Variants in SLC44A5 observed in about 807,000 individuals in gnomAD.
SLC44A5 encodes choline transporter-like protein 5.
A neutral mutation model predicts 101.8 loss-of-function variants in SLC44A5; 57 were observed. The ratio of observed to expected loss-of-function variants is 0.56; its 90% CI spans 0.45 to 0.70. The LOEUF is 0.70. Among genes scored for constraint, SLC44A5 ranks in the 30% least tolerant of loss-of-function variants. SLC44A5 has a pLI of 0.00. For missense variants in SLC44A5, 737 were observed against 853.1 expected, an observed-to-expected ratio of 0.86 and a Z score of 1.70; for synonymous variants, 281 against 290.9, an observed-to-expected ratio of 0.97 and a Z score of 0.35.
chr1:75,306,733 C>CTTTTTTTTTTTTTTTTTTTTTTT (rs771955227), intron 4 of SLC44A5, among the ~76,000 whole-genome samples: 1 of 102,588 alleles, frequency 9.7e-6, no homozygotes, highest in Non-Finnish European at 1.8e-5. Context: ...GGTTTCCTTT[C>CTTTTTTTTTTTTTTTTTTTTTTT]TTTTTTTTTT....
chr1:75,552,686 T>C (rs1045848511), intron 1 of SLC44A5, among the ~76,000 whole-genome samples: 4 of 151,888 alleles, frequency 2.6e-5, no homozygotes, highest in Non-Finnish European at 5.9e-5. Context: ...GAGAGCATTG[T>C]TCACAATAAC....
chr1:75,692,185 CTTTTTTTTT>C, the SLC44A5 span, among the ~76,000 whole-genome samples: 3 of 84,774 alleles, frequency 3.5e-5, no homozygotes, highest in African/African-American at 1.5e-4. Flanking sequence ...AGATGGGATT[CTTTTTTTTT>C]TTTTTTTTTT....
chr1:75,583,471 C>T (rs1264693365), intron 1 of SLC44A5, among the ~76,000 whole-genome samples: 1 of 152,168 alleles, frequency 6.6e-6, no homozygotes, highest in African/African-American at 2.4e-5. Context: ...AGACAGCCCT[C>T]TTAGGGTCCT....
the SLC44A5 span, among the ~76,000 whole-genome samples, chr1:75,656,536 G>C: frequency 6.6e-6 from 1 of 152,138 alleles, no homozygotes; most frequent in Non-Finnish European, 1.5e-5. Context: ...AAAGTACAGA[G>C]TGTTATAATT....
At chr1:75,625,076 A>G in the SLC44A5 span, among the ~76,000 whole-genome samples, 1 of 152,014 alleles carries the variant, frequency 6.6e-6, no homozygotes, top group Non-Finnish European at 1.5e-5. Flanking sequence ...ACTGAGTCGC[A>G]CTGTGAGTAA....
intron 4 of SLC44A5, among the ~76,000 whole-genome samples, chr1:75,304,900 T>C (rs1654786414): frequency 6.6e-6 from 1 of 152,018 alleles, no homozygotes. Context: ...TCCCTCACCC[T>C]CCCTCCAAAT....
intron 2 of SLC44A5, among the ~76,000 whole-genome samples, chr1:75,420,810 A>T (rs1341042114): frequency 2.0e-5 from 3 of 152,128 alleles, no homozygotes; most frequent in Non-Finnish European, 4.4e-5. Flanking sequence ...AAAGGCCAAA[A>T]TTACTTTACT....
At chr1:75,324,847 A>C (rs1053914190) in intron 4 of SLC44A5, among the ~76,000 whole-genome samples, 2 of 152,214 alleles carry the variant, frequency 1.3e-5, no homozygotes, top group Non-Finnish European at 2.9e-5. Flanking sequence ...TACTGAGAAG[A>C]TAAATATCGC....
At chr1:75,454,516 C>T (rs1263241758) in intron 2 of SLC44A5, among the ~76,000 whole-genome samples, 3 of 152,000 alleles carry the variant, frequency 2.0e-5, no homozygotes, top group Admixed American at 1.3e-4. Flanking sequence ...TTTACCACTC[C>T]TAGTCAAAAT....
At chr1:75,207,556 T>G (rs1646772957) in intron 23 of SLC44A5, among the ~76,000 whole-genome samples, 1 of 152,150 alleles carries the variant, frequency 6.6e-6, no homozygotes, top group Admixed American at 6.5e-5. Context: ...GCTATAGTCT[T>G]GGGAATGGTT....
the SLC44A5 span, among the ~76,000 whole-genome samples, chr1:75,707,794 C>T: frequency 6.6e-6 from 1 of 151,916 alleles, no homozygotes; most frequent in African/African-American, 2.4e-5. Flanking sequence ...GACAGTACTC[C>T]AGGGGAAAAA....
chr1:75,223,022 T>C (rs1647120642), intron 13 of SLC44A5, among the ~76,000 whole-genome samples: 1 of 152,192 alleles, frequency 6.6e-6, no homozygotes, highest in Non-Finnish European at 1.5e-5. Flanking sequence ...GGGAACCTAG[T>C]TTAGTCAACT....
intron 4 of SLC44A5, among the ~76,000 whole-genome samples, chr1:75,312,551 C>T (rs1047249823): frequency 2.0e-5 from 3 of 151,932 alleles, no homozygotes; most frequent in Non-Finnish European, 4.4e-5. Flanking sequence ...CTTTCCTGTC[C>T]TTCTTCTGTG....
chr1:75,205,637 CAG>C (rs1447448803), intron 23 of SLC44A5: 2 of 152,172 alleles, frequency 1.3e-5, no homozygotes, highest in African/African-American at 4.8e-5. Flanking sequence ...GGAGCGCCAA[CAG>C]TATATTTCCT....
At chr1:75,704,827 C>A in the SLC44A5 span, among the ~76,000 whole-genome samples, 1 of 152,120 alleles carries the variant, frequency 6.6e-6, no homozygotes, top group Non-Finnish European at 1.5e-5. Context: ...TCTTACATTA[C>A]ATAGTCGGGG....
chr1:75,422,296 A>T (rs1037266224), intron 2 of SLC44A5, among the ~76,000 whole-genome samples: 14 of 152,348 alleles, frequency 9.2e-5, no homozygotes, highest in African/African-American at 3.4e-4. Context: ...ACATCTGGAC[A>T]TTTCACTAGG....
In SLC44A5 at chr1:75,381,897, AG is replaced by A. The variant is rs1660940830; in HGVS notation, c.52+14685del. The stretch of plus-strand genomic sequence containing the variant: ...CAGTCACAGCTACGGCTGCTGTAGC[AG>A]GAGTTGCATTGCATTCTTCTGTTCA... On this transcript the variant is annotated intron_variant, in intron 3 of 23. Coordinates refer to ENST00000370859, the MANE Select transcript of SLC44A5 (RefSeq NM_001130058.2). Among the ~76,000 whole-genome samples the A allele has an allele frequency of 2.5e-5, 2 of 80,760 alleles. 1 individual carries two copies. Among genetic ancestry groups the A allele is most frequent in the African/African-American group, 1.6e-4 (2 of 12,182 alleles). 53.0% of individuals were successfully genotyped at this position (80,760 alleles called of 152,430 possible). A position where few individuals can be genotyped will look rare whatever the true frequency, so the allele number is the denominator to read the frequency against.
At chr1:75,402,404 C>T in intron 2 of SLC44A5, 1 of 376,850 alleles carries the variant, frequency 2.7e-6, no homozygotes, top group Non-Finnish European at 5.5e-6. Flanking sequence ...GGCAAGATGG[C>T]CAAATAGAAA....
At chr1:75,342,243 C>G (rs951676996) in intron 3 of SLC44A5, among the ~76,000 whole-genome samples, 2 of 152,132 alleles carry the variant, frequency 1.3e-5, no homozygotes, top group Non-Finnish European at 2.9e-5. Flanking sequence ...AAAATTTATT[C>G]TTATTTGTAC....
Sources: allele counts gnomAD v4.1 joint callset (sites outside exome capture counted in the v4.1 genomes callset), GRCh38; gene constraint gnomAD v4.1.1; transcripts MANE v1.5; gene names NCBI Gene and HGNC (gene_info 2026-07-23, HGNC 2026-07-21).